PTPRE: variants seen among roughly 807,000 people sequenced by gnomAD.
PTPRE encodes protein tyrosine phosphatase receptor type E.
Under a neutral mutation model 102.0 loss-of-function variants are expected in PTPRE, and 51 were observed. That is an observed-to-expected ratio of 0.50 (90% CI 0.40 to 0.63). The LOEUF (loss-of-function observed/expected upper bound fraction) is 0.63, where lower values mean the gene tolerates loss of function less well. PTPRE is among the 30% of genes least tolerant of loss of function. The probability of loss-of-function intolerance (pLI) is 0.00; values close to 1 mark genes in which losing one functional copy is unlikely to be tolerated. For synonymous variants in PTPRE, 345 were observed against 348.2 expected, an observed-to-expected ratio of 0.99 and a Z score of 0.10; for missense variants, 752 against 915.1, an observed-to-expected ratio of 0.82 and a Z score of 2.30.
chr10:127,957,333 A>G (rs916858345), intron 1 of PTPRE, among the ~76,000 whole-genome samples: 1 of 152,124 alleles, frequency 6.6e-6, no homozygotes, highest in Non-Finnish European at 1.5e-5. Context: ...AAGACCATCA[A>G]TCTTTCTGCC....
chr10:128,059,845 A>G (rs934215212), intron 7 of PTPRE, among the ~76,000 whole-genome samples: 1 of 152,188 alleles, frequency 6.6e-6, no homozygotes, highest in Admixed American at 6.5e-5. Context: ...AACCTTCTTA[A>G]TAGTTCTATG....
At chr10:127,982,486 T>TTGAGTG (rs1851713529) in intron 2 of PTPRE, among the ~76,000 whole-genome samples, 190 bp downstream of exon 2, 1 of 132,092 alleles carries the variant, frequency 7.6e-6, no homozygotes, top group Admixed American at 7.5e-5. Context: ...GTTACATCAT[T>TTGAGTG]TGCGTGTGTG....
intron 6 of PTPRE, among the ~76,000 whole-genome samples, chr10:128,054,796 T>C (rs1024169566): frequency 2.6e-5 from 4 of 152,078 alleles, no homozygotes; most frequent in Non-Finnish European, 5.9e-5. Flanking sequence ...GGCTGTGCTC[T>C]GCATTGTGAG....
intron 2 of PTPRE, among the ~76,000 whole-genome samples, chr10:127,996,536 C>T (rs568776893): frequency 6.6e-6 from 1 of 152,222 alleles, no homozygotes; most frequent in Non-Finnish European, 1.5e-5. Flanking sequence ...TATGCCCCTG[C>T]AGCTTCCCCA....
At chr10:128,037,342 C>T (rs1847303132) in intron 2 of PTPRE, among the ~76,000 whole-genome samples, 1 of 152,246 alleles carries the variant, frequency 6.6e-6, no homozygotes, top group Non-Finnish European at 1.5e-5. Context: ...TCCTGAATGA[C>T]TCACTCACTG....
At chr10:128,053,114 G>C (rs1848679526) in intron 6 of PTPRE, among the ~76,000 whole-genome samples, 1 of 152,100 alleles carries the variant, frequency 6.6e-6, no homozygotes, top group African/African-American at 2.4e-5. Context: ...AGCTAGGCGT[G>C]GTGGTGTGCA....
At chr10:127,929,566 C>T (rs1401866971) in intron 1 of PTPRE, 4 of 152,184 alleles carry the variant, frequency 2.6e-5, no homozygotes, top group Admixed American at 2.0e-4. Flanking sequence ...AGAGGGTTCC[C>T]TGGAATACGG....
At chr10:127,981,490 GTT>G (rs545719511) in intron 1 of PTPRE, among the ~76,000 whole-genome samples, 1 of 150,090 alleles carries the variant, frequency 6.7e-6, no homozygotes, top group African/African-American at 2.5e-5. Context: ...CAATAAAACT[GTT>G]TTTTTTTAAA....
intron 6 of PTPRE, among the ~76,000 whole-genome samples, chr10:128,055,607 A>T (rs1451460488): frequency 6.6e-6 from 1 of 152,056 alleles, no homozygotes; most frequent in African/African-American, 2.4e-5. Flanking sequence ...CTGGAGTCTT[A>T]AGCAAGATCA....
chr10:127,962,177 T>TG (rs1476918082), intron 1 of PTPRE, among the ~76,000 whole-genome samples: 1 of 152,070 alleles, frequency 6.6e-6, no homozygotes, highest in South Asian at 2.1e-4. Context: ...TGGGTGCCAG[T>TG]GGGGGGTGAG....
intron 1 of PTPRE, chr10:127,934,311 A>G (rs1367174528): frequency 6.6e-6 from 1 of 152,126 alleles, no homozygotes; most frequent in East Asian, 1.9e-4. Context: ...TTGTTGTATT[A>G]AGGTGATATT....
chr10:128,016,662 G>C (rs1184624952), intron 2 of PTPRE, among the ~76,000 whole-genome samples: 1 of 151,998 alleles, frequency 6.6e-6, no homozygotes, highest in Non-Finnish European at 1.5e-5. Flanking sequence ...TGGGAGGTTG[G>C]CACAGCTCAG....
chr10:127,964,263 G>A (rs550475388), intron 1 of PTPRE, among the ~76,000 whole-genome samples: 71 of 152,170 alleles, frequency 4.7e-4, no homozygotes, highest in African/African-American at 1.6e-3. Flanking sequence ...TCTGCCTCCC[G>A]GGTTCCAGCA....
At position 128,047,812 on chromosome 10, in the gene PTPRE, G is replaced by A. The variant is rs1245645393; in HGVS notation, c.258G>A (p.Met86Ile). ...TGGTCAGCACCAGCGACAAGAAGATGCCCAACGGAATCTTGGAGGAGCAAG... is the reference window on the plus strand; with the variant it reads ...TGGTCAGCACCAGCGACAAGAAGATACCCAACGGAATCTTGGAGGAGCAAG... The part of the protein sequence containing the change: ...KAVVSTSDKK[M>I]PNGILEEQEQ... Residue 86 changes from methionine to isoleucine, a missense_variant, in exon 5 of 21, where the codon ATG becomes ATA. Coordinates refer to ENST00000254667, the MANE Select transcript of PTPRE (RefSeq NM_006504.6). The A allele has an allele frequency of 1.2e-6, 2 of 1,604,424 alleles. No individual in the cohort carries two copies. Among genetic ancestry groups the A allele is most frequent in the Admixed American group, 1.7e-5 (1 of 59,612 alleles).
chr10:127,988,309 T>TC (rs1463277034), intron 2 of PTPRE, among the ~76,000 whole-genome samples: 1 of 148,374 alleles, frequency 6.7e-6, no homozygotes, highest in African/African-American at 2.5e-5. Flanking sequence ...CTTTTCTTTT[T>TC]TTTTTTTTTT....
chr10:127,922,678 C>T (rs1846691862), intron 1 of PTPRE, among the ~76,000 whole-genome samples: 1 of 152,184 alleles, frequency 6.6e-6, no homozygotes, highest in Non-Finnish European at 1.5e-5. Context: ...TCCACTGAAC[C>T]CGTAAGAGAT....
At chr10:128,047,271 C>A in intron 3 of PTPRE, 119 bp from the exon 4 acceptor site, 1 of 1,378,976 alleles carries the variant, frequency 7.3e-7, no homozygotes. Context: ...GATGATGGAT[C>A]CACTTTACAA....
At chr10:128,001,712 T>G (rs1589965596) in intron 2 of PTPRE, among the ~76,000 whole-genome samples, 1 of 152,150 alleles carries the variant, frequency 6.6e-6, no homozygotes, top group African/African-American at 2.4e-5. Flanking sequence ...GGGTCTGCCA[T>G]GGGATGATGA....
At chr10:128,044,045 AGAG>A (rs1847911258) in intron 3 of PTPRE, among the ~76,000 whole-genome samples, 1 of 152,234 alleles carries the variant, frequency 6.6e-6, no homozygotes, top group Non-Finnish European at 1.5e-5. Context: ...AGATGAAACG[AGAG>A]GAGTAGTATG....
Sources: gnomAD v4.1 joint callset for allele counts (sites outside exome capture counted in the v4.1 genomes callset) on GRCh38, gnomAD v4.1.1 for gene constraint, MANE v1.5 for transcripts, NCBI Gene and HGNC (gene_info 2026-07-23, HGNC 2026-07-21) for gene names.